HYCC2: variants seen among roughly 807,000 people sequenced by gnomAD.
HYCC2 encodes hyccin PI4KA lipid kinase complex subunit 2, also known as hyccin 2.
the HYCC2 span, among the ~76,000 whole-genome samples, chr2:201,043,641 T>C: frequency 6.6e-6 from 1 of 151,530 alleles, no homozygotes; most frequent in Non-Finnish European, 1.5e-5. Flanking sequence ...CCCGAGTACC[T>C]GGGACTACAG....
At chr2:201,032,323 T>C in the HYCC2 span, among the ~76,000 whole-genome samples, 2 of 152,172 alleles carry the variant, frequency 1.3e-5, no homozygotes, top group Admixed American at 6.6e-5. Context: ...TCCTAATTCA[T>C]TTTTTCTAAA....
the HYCC2 span, chr2:200,993,028 G>C: frequency 7.2e-7 from 1 of 1,381,478 alleles, no homozygotes; most frequent in Non-Finnish European, 1.0e-6. Context: ...TATTTAACAT[G>C]TGATTTCCAG....
chr2:201,018,750 G>C, the HYCC2 span, among the ~76,000 whole-genome samples: 1 of 152,164 alleles, frequency 6.6e-6, no homozygotes, highest in African/African-American at 2.4e-5. Context: ...TGGATAGCTT[G>C]AGCCCAGGAG....
the HYCC2 span, among the ~76,000 whole-genome samples, chr2:201,003,375 C>T: frequency 2.0e-5 from 3 of 152,068 alleles, no homozygotes; most frequent in Admixed American, 6.6e-5. Context: ...AAAAGCTGGG[C>T]TGGGAAGCTG....
the HYCC2 span, chr2:201,009,482 C>CA: frequency 1.3e-5 from 2 of 159,444 alleles, no homozygotes; most frequent in East Asian, 3.6e-4. Context: ...TTTTTTGAGA[C>CA]AGAGTCTCAC....
the HYCC2 span, among the ~76,000 whole-genome samples, chr2:201,047,719 A>G: frequency 3.3e-5 from 5 of 151,516 alleles, no homozygotes; most frequent in African/African-American, 1.2e-4. Flanking sequence ...AAAAAAAAAG[A>G]GTTGCTCTTC....
At chr2:201,041,353 A>T in the HYCC2 span, among the ~76,000 whole-genome samples, 1 of 152,224 alleles carries the variant, frequency 6.6e-6, no homozygotes, top group Non-Finnish European at 1.5e-5. Context: ...TATGGTTCAT[A>T]CTACTCTCCC....
At chr2:201,001,627 A>G in the HYCC2 span, among the ~76,000 whole-genome samples, 1 of 152,204 alleles carries the variant, frequency 6.6e-6, no homozygotes, top group African/African-American at 2.4e-5. Context: ...ATGTCTAGTA[A>G]TAAAAACTAC....
the HYCC2 span, among the ~76,000 whole-genome samples, chr2:201,059,851 GCCT>G: frequency 1.3e-5 from 2 of 152,102 alleles, no homozygotes; most frequent in East Asian, 3.8e-4. Context: ...TTGAAGACCA[GCCT>G]GGCCAACATG....
the HYCC2 span, among the ~76,000 whole-genome samples, chr2:200,984,475 T>C: frequency 6.6e-5 from 10 of 152,372 alleles, no homozygotes; most frequent in East Asian, 1.9e-3. Context: ...AATTGTAAAA[T>C]TATTTAAAGC....
chr2:201,022,943 C>A, the HYCC2 span: 1 of 1,573,046 alleles, frequency 6.4e-7, no homozygotes, highest in Non-Finnish European at 8.7e-7. Flanking sequence ...CTAAAAGAAA[C>A]CACCAAAGGA....
At chr2:201,067,974 C>T in the HYCC2 span, among the ~76,000 whole-genome samples, 3 of 152,162 alleles carry the variant, frequency 2.0e-5, no homozygotes, top group Admixed American at 6.5e-5. Context: ...CTCCAGCTCC[C>T]GGCTAGAAAA....
the HYCC2 span, chr2:201,052,234 C>G: frequency 6.5e-6 from 1 of 152,730 alleles, no homozygotes; most frequent in African/African-American, 2.4e-5. Context: ...GGAGGCGAGG[C>G]TGCAGTGAGC....
At chr2:200,993,013 T>C in the HYCC2 span, 11 of 1,522,544 alleles carry the variant, frequency 7.2e-6, no homozygotes, top group East Asian at 2.2e-5. Flanking sequence ...CCTAGGAAAA[T>C]ACACTATTTA....
chr2:201,015,505 G>C, the HYCC2 span, among the ~76,000 whole-genome samples: 2 of 152,242 alleles, frequency 1.3e-5, no homozygotes, highest in East Asian at 3.9e-4. Flanking sequence ...GAAATTTCAT[G>C]TCCATTTGCC....
At chr2:201,063,978 C>T in the HYCC2 span, 2 of 1,597,660 alleles carry the variant, frequency 1.3e-6, no homozygotes, top group South Asian at 1.1e-5. Context: ...CAATACTTTG[C>T]AAAACCACGA....
the HYCC2 span, among the ~76,000 whole-genome samples, chr2:201,037,940 T>C: frequency 6.6e-6 from 1 of 152,030 alleles, no homozygotes; most frequent in African/African-American, 2.4e-5. Context: ...GAAACTACCA[T>C]CAGAGTGAAC....
At chr2:201,022,498 TC>T in the HYCC2 span, 1 of 230,750 alleles carries the variant, frequency 4.3e-6, no homozygotes, top group Non-Finnish European at 8.6e-6. Context: ...TAAAGCTGGA[TC>T]AGTATACAGT....
the HYCC2 span, among the ~76,000 whole-genome samples, chr2:200,991,762 A>C: frequency 1.4e-5 from 2 of 139,352 alleles, no homozygotes; most frequent in Non-Finnish European, 3.1e-5. Context: ...AAAAAATTTA[A>C]AAAAACTGAT....
Sources: gnomAD v4.1 joint callset for allele counts (sites outside exome capture counted in the v4.1 genomes callset) on GRCh38, gnomAD v4.1.1 for gene constraint, MANE v1.5 for transcripts, NCBI Gene and HGNC (gene_info 2026-07-23, HGNC 2026-07-21) for gene names.